Variants in CBFA2T2 observed in about 807,000 individuals in gnomAD.
The protein encoded by CBFA2T2 is protein CBFA2T2.
CBFA2T2 carries 11 observed loss-of-function variants against 62.2 expected under a neutral mutation model. That is an observed-to-expected ratio of 0.18 (90% CI 0.11 to 0.29). CBFA2T2 has a LOEUF of 0.29. Among genes scored for constraint, CBFA2T2 ranks in the 10% least tolerant of loss-of-function variants. CBFA2T2 has a pLI of 1.00. For synonymous variants in CBFA2T2, 295 were observed against 287.5 expected (o/e 1.03, Z -0.27); for missense variants, 592 against 774.1 (o/e 0.76, Z 2.79).
At chr20:33,615,860 C>A (rs2015686820) in intron 3 of CBFA2T2, among the ~76,000 whole-genome samples, 1 of 152,060 alleles carries the variant, frequency 6.6e-6, no homozygotes, top group Non-Finnish European at 1.5e-5. Context: ...TCTGATATAT[C>A]CCACACCAGG....
At chr20:33,617,882 AATATG>A (rs2015769547) in intron 3 of CBFA2T2, among the ~76,000 whole-genome samples, 1 of 152,248 alleles carries the variant, frequency 6.6e-6, no homozygotes, top group Admixed American at 6.5e-5. Flanking sequence ...CCGAATAATA[AATATG>A]ATATATTTGG....
intron 1 of CBFA2T2, among the ~76,000 whole-genome samples, chr20:33,591,128 G>A (rs867613328): frequency 9.6e-4 from 136 of 142,022 alleles, no homozygotes; most frequent in African/African-American, 3.5e-3. Flanking sequence ...GCAGTGAGCC[G>A]AGATCACACC....
At chr20:33,584,287 A>G (rs1417625433) in intron 1 of CBFA2T2, among the ~76,000 whole-genome samples, 1 of 132,662 alleles carries the variant, frequency 7.5e-6, no homozygotes, top group Non-Finnish European at 1.6e-5. Flanking sequence ...TTTTTTTGAG[A>G]CAGAGTCTCA....
chr20:33,623,189 G>GGCT lies in CBFA2T2; in HGVS notation c.586_588dup (p.Ala196dup). The GGCT allele has an allele frequency of 6.2e-7, 1 of 1,614,218 alleles. No homozygotes were observed. Among genetic ancestry groups the GGCT allele is most frequent in the Non-Finnish European group, 8.5e-7 (1 of 1,180,040 alleles). ...CCAAGCAGACCCCATCCCAGTACCTGGCTCAGCACGAACACCTTCTGCTCA... is the reference window on the plus strand; with the variant it reads ...CCAAGCAGACCCCATCCCAGTACCTGGCTGCTCAGCACGAACACCTTCTGCTCA... On this transcript the variant is annotated inframe_insertion, in exon 5 of 11. Coordinates refer to ENST00000342704, the MANE Select transcript of CBFA2T2 (RefSeq NM_001032999.3).
chr20:33,545,470 T>TTTCTTTCTTTCGTTCG (rs1209263074), intron 1 of CBFA2T2, among the ~76,000 whole-genome samples: 16 of 151,326 alleles, frequency 1.1e-4, no homozygotes, highest in African/African-American at 3.9e-4. Flanking sequence ...TCTTTCTTTC[T>TTTCTTTCTTTCGTTCG]TTCGTTCGTT....
At chr20:33,544,494 G>T (rs1270638068) in intron 1 of CBFA2T2, among the ~76,000 whole-genome samples, 1 of 152,072 alleles carries the variant, frequency 6.6e-6, no homozygotes, top group Non-Finnish European at 1.5e-5. Context: ...CCTCTTGCTA[G>T]TTTCAGAGAA....
At chr20:33,623,495 C>T (rs1282421799) in intron 5 of CBFA2T2, among the ~76,000 whole-genome samples, 199 bp downstream of exon 5, 4 of 152,202 alleles carry the variant, frequency 2.6e-5, no homozygotes, top group African/African-American at 7.2e-5. Flanking sequence ...TGGGCTCAAG[C>T]GATCCTCTCA....
chr20:33,640,534 C>CAG lies in CBFA2T2; in HGVS notation c.1488+6_1488+7dup. ...ATGAGCAAGAGGAGTCCACGGAGGT[C>CAG]AGAGCTCTGCGCCCTGGGGGCTGGG... On this transcript the variant is annotated splice_donor_region_variant and intron_variant, in intron 10 of 10. Transcript: ENST00000342704. 6.2e-7 allele frequency: 1 copy of CAG among 1,613,812 alleles called. No homozygotes were observed. The highest frequency in any genetic ancestry group is 8.5e-7 in the Non-Finnish European group (1 of 1,179,870).
At chr20:33,544,945 CAGAATAGAATAGAATAGAAT>C (rs765681667) in intron 1 of CBFA2T2, among the ~76,000 whole-genome samples, 7,611 of 130,922 alleles carry the variant, frequency 0.058, 305 homozygotes, top group East Asian at 0.2. Flanking sequence ...TAGAATAGAA[CAGAATAGAATAGAATAGAAT>C]AGAATAGAAT....
At chr20:33,494,243 G>GTATATATA (rs869164142) in intron 1 of CBFA2T2, among the ~76,000 whole-genome samples, 21 of 30,314 alleles carry the variant, frequency 6.9e-4, no homozygotes, top group African/African-American at 2.2e-3. Context: ...ATATATATGT[G>GTATATATA]TATATATATA....
intron 1 of CBFA2T2, among the ~76,000 whole-genome samples, chr20:33,540,232 T>A (rs1189244782): frequency 6.6e-6 from 1 of 152,252 alleles, no homozygotes; most frequent in Admixed American, 6.5e-5. Context: ...CAGTATTTCC[T>A]TTAGGTTTAC....
intron 7 of CBFA2T2, among the ~76,000 whole-genome samples, chr20:33,628,912 T>C (rs770509664): frequency 5.3e-5 from 8 of 152,242 alleles, no homozygotes; most frequent in Non-Finnish European, 8.8e-5. Context: ...CTAATCTTTG[T>C]GATGGGATGA....
At chr20:33,588,965 CAA>C (rs2014496526) in intron 1 of CBFA2T2, among the ~76,000 whole-genome samples, 1 of 151,484 alleles carries the variant, frequency 6.6e-6, no homozygotes, top group South Asian at 2.1e-4. Context: ...AAAATAAAAA[CAA>C]GAAGCTGAAA....
At chr20:33,549,960 A>G (rs1206327718) in intron 1 of CBFA2T2, among the ~76,000 whole-genome samples, 1 of 151,508 alleles carries the variant, frequency 6.6e-6, no homozygotes, top group African/African-American at 2.4e-5. Flanking sequence ...TTAGGGTTTC[A>G]GACACATCAA....
chr20:33,536,639 G>A (rs2012251701), intron 1 of CBFA2T2, among the ~76,000 whole-genome samples: 1 of 149,372 alleles, frequency 6.7e-6, no homozygotes, highest in Non-Finnish European at 1.5e-5. Context: ...CCAGGCGGAG[G>A]GTCTCCTCAC....
Position 33,646,680 on chromosome 20 carries a change from A to T in CBFA2T2, c.*2034A>T, listed in dbSNP as rs921563275. 1.1e-4 allele frequency: 17 copies of T among 151,416 alleles called. No homozygotes were observed. Among genetic ancestry groups the T allele is most frequent in the African/African-American group, 4.1e-4 (17 of 41,150 alleles). 9.4% of individuals were successfully genotyped at this position (151,416 alleles called of 1,614,324 possible). On this transcript the variant is annotated 3_prime_UTR_variant, in exon 11 of 11. Transcript: ENST00000342704. Reference sequence around the variant, plus strand: ...AGACCAACCTGGCCAACATGGTGAAACCCTGTCTCTAATAAAAAAAAAATA... The same window carrying T: ...AGACCAACCTGGCCAACATGGTGAATCCCTGTCTCTAATAAAAAAAAAATA...
intron 3 of CBFA2T2, among the ~76,000 whole-genome samples, chr20:33,619,139 C>T (rs1030822142): frequency 5.3e-5 from 8 of 152,150 alleles, no homozygotes; most frequent in Non-Finnish European, 8.8e-5. Context: ...CTTTGGAAGG[C>T]TGAGGGAGGA....
chr20:33,562,821 T>G (rs890834217), intron 1 of CBFA2T2: 2 of 353,132 alleles, frequency 5.7e-6, no homozygotes, highest in Non-Finnish European at 7.9e-6. Context: ...TTTATTTTAA[T>G]GCTTCATTTT....
chr20:33,628,405 A>G lies in CBFA2T2; in HGVS notation c.1002A>G (p.Glu334=). The G allele has an allele frequency of 6.2e-7, 1 of 1,612,448 alleles. No homozygotes were observed. Among genetic ancestry groups the G allele is most frequent in the Non-Finnish European group, 8.5e-7 (1 of 1,178,412 alleles). ...ELVDHRLTER[E]WADEWKHLDH... is the part of the protein sequence containing the mutation. ...TAGATCATCGTTTGACAGAAAGGGA[A>G]TGGGCTGATGAATGGAAACATCTTG... The change falls in exon 7 of 11, where the codon GAA becomes GAG. Residue 334 remains glutamate, a synonymous_variant. Transcript: ENST00000342704.
Sources: allele counts gnomAD v4.1 joint callset (sites outside exome capture counted in the v4.1 genomes callset), GRCh38; gene constraint gnomAD v4.1.1; transcripts MANE v1.5; gene names NCBI Gene and HGNC (gene_info 2026-07-23, HGNC 2026-07-21).